The following MSL3B variants were observed in gnomAD, a reference collection of about 807,000 sequenced individuals.
The protein encoded by MSL3B is MSL complex subunit 3 pseudogene 1.
chr2:233,866,175 A>AG, the MSL3B span: 1 of 634,398 alleles, frequency 1.6e-6, no homozygotes. Flanking sequence ...TGCACCTCAG[A>AG]GGCAGCGACG....
chr2:233,866,811 T>C, the MSL3B span: 1 of 920,960 alleles, frequency 1.1e-6, no homozygotes, highest in Non-Finnish European at 1.8e-6. Flanking sequence ...GCACTTTCCT[T>C]AATTGCAAGA....
chr2:233,868,275 G>A, the MSL3B span: 20 of 333,874 alleles, frequency 6.0e-5, no homozygotes, highest in Admixed American at 3.7e-4. Flanking sequence ...GGGAGCCTAC[G>A]CGGCACCAGG....
At chr2:233,866,556 T>G in the MSL3B span, 1 of 936,306 alleles carries the variant, frequency 1.1e-6, no homozygotes, top group African/African-American at 1.6e-5. Flanking sequence ...TTGGGCACAC[T>G]GGTGGACATG....
chr2:233,867,463 A>ATTTC, the MSL3B span: 4,677 of 383,626 alleles, frequency 0.012, 218 homozygotes, highest in African/African-American at 0.093. Flanking sequence ...TAATCTACGA[A>ATTTC]TTTCTTTCTT....
chr2:233,865,886 A>C, the MSL3B span: 1 of 305,422 alleles, frequency 3.3e-6, no homozygotes, highest in Non-Finnish European at 6.3e-6. Flanking sequence ...TTTACCTGCC[A>C]TCACAGATGG....
At chr2:233,864,693 G>A in the MSL3B span, among the ~76,000 whole-genome samples, 2 of 152,158 alleles carry the variant, frequency 1.3e-5, no homozygotes, top group Non-Finnish European at 2.9e-5. Context: ...TTAACCCAAT[G>A]TATCTAAAAT....
At chr2:233,865,436 A>T in the MSL3B span, 5 of 151,428 alleles carry the variant, frequency 3.3e-5, no homozygotes, top group African/African-American at 1.2e-4. Context: ...CTCCAAGTTA[A>T]TTTTTTTTTC....
At chr2:233,865,600 G>A in the MSL3B span, 1 of 152,594 alleles carries the variant, frequency 6.6e-6, no homozygotes, top group Middle Eastern at 3.4e-3. Context: ...AGAAGGAACC[G>A]TCAGAAGCAA....
chr2:233,865,312 T>A, the MSL3B span: 3 of 152,228 alleles, frequency 2.0e-5, no homozygotes, highest in Non-Finnish European at 4.4e-5. Context: ...AGCCAGTTTA[T>A]ATAATATATA....
chr2:233,868,316 G>A, the MSL3B span: 1 of 224,852 alleles, frequency 4.4e-6, no homozygotes, highest in Non-Finnish European at 9.8e-6. Flanking sequence ...AACGCGAAGA[G>A]AGAAACCCAC....
At chr2:233,866,093 T>C in the MSL3B span, 1 of 522,512 alleles carries the variant, frequency 1.9e-6, no homozygotes, top group Non-Finnish European at 3.7e-6. Flanking sequence ...CAGAACACCA[T>C]GCTAGATGGA....
At chr2:233,865,960 A>G in the MSL3B span, 1 of 358,600 alleles carries the variant, frequency 2.8e-6, no homozygotes, top group South Asian at 2.2e-5. Context: ...TTCTAAACAG[A>G]GTAACTACAG....
the MSL3B span, chr2:233,867,294 C>G: frequency 1.4e-6 from 1 of 730,640 alleles, no homozygotes; most frequent in Admixed American, 2.1e-5. Context: ...TCACTACTGT[C>G]AGAGGAACTG....
chr2:233,865,465 T>G, the MSL3B span: 1 of 152,434 alleles, frequency 6.6e-6, no homozygotes, highest in African/African-American at 2.4e-5. Flanking sequence ...GAGGCTTTAT[T>G]TAGATCACCA....
At chr2:233,865,599 C>T in the MSL3B span, 2 of 152,396 alleles carry the variant, frequency 1.3e-5, no homozygotes, top group South Asian at 2.1e-4. Flanking sequence ...GAGAAGGAAC[C>T]GTCAGAAGCA....
the MSL3B span, chr2:233,867,217 C>T: frequency 2.5e-5 from 19 of 769,110 alleles, no homozygotes; most frequent in African/African-American, 1.9e-4. Context: ...TTTGAAGCTC[C>T]GGTTCTTCTT....
At chr2:233,868,242 G>C in the MSL3B span, 2 of 387,532 alleles carry the variant, frequency 5.2e-6, no homozygotes, top group Non-Finnish European at 1.1e-5. Context: ...TAGGTCGGAC[G>C]GCGTCCGACG....
At chr2:233,866,139 C>T in the MSL3B span, 1 of 601,276 alleles carries the variant, frequency 1.7e-6, no homozygotes, top group African/African-American at 1.8e-5. Context: ...CACTTATTGA[C>T]TGCCTGGGGG....
the MSL3B span, chr2:233,867,118 A>T: frequency 2.3e-6 from 2 of 879,436 alleles, no homozygotes; most frequent in Admixed American, 1.7e-5. Flanking sequence ...GTTTCCTCCG[A>T]TTAATGTAGT....
Sources: allele counts gnomAD v4.1 joint callset (sites outside exome capture counted in the v4.1 genomes callset), GRCh38; gene constraint gnomAD v4.1.1; transcripts MANE v1.5; gene names NCBI Gene and HGNC (gene_info 2026-07-23, HGNC 2026-07-21).